EVL: variants seen among roughly 807,000 people sequenced by gnomAD.
EVL encodes the protein ena/VASP-like protein.
In EVL, 21 loss-of-function variants were observed where a neutral mutation model predicts 59.6. That is an observed-to-expected ratio of 0.35 (90% CI 0.25 to 0.51). The LOEUF (loss-of-function observed/expected upper bound fraction) is 0.51. Among genes scored for constraint, EVL ranks in the 20% least tolerant of loss-of-function variants. EVL has a pLI of 0.97. For missense variants in EVL, 462 were observed against 546.6 expected (o/e 0.85, Z 1.54); for synonymous variants, 198 against 203.5 (o/e 0.97, Z 0.23).
intron 2 of EVL, among the ~76,000 whole-genome samples, chr14:100,086,662 G>A (rs533851173): frequency 1.3e-5 from 2 of 152,332 alleles, no homozygotes; most frequent in African/African-American, 4.8e-5. Context: ...TGTTGAGAAA[G>A]AGACCTTTTC....
chr14:100,089,421 A>C (rs1161219076), intron 2 of EVL, among the ~76,000 whole-genome samples: 1 of 152,250 alleles, frequency 6.6e-6, no homozygotes, highest in East Asian at 1.9e-4. Flanking sequence ...GAACTCACAC[A>C]GAGTATGTTC....
intron 2 of EVL, among the ~76,000 whole-genome samples, chr14:100,087,166 A>T (rs781241751): frequency 7.2e-5 from 11 of 152,330 alleles, no homozygotes; most frequent in East Asian, 3.9e-4. Context: ...AAGAATTATC[A>T]TCACCATTTT....
chr14:100,093,211 A>G (rs865931736), intron 2 of EVL, among the ~76,000 whole-genome samples: 20 of 152,318 alleles, frequency 1.3e-4, no homozygotes, highest in African/African-American at 4.6e-4. Flanking sequence ...TTAGAAGTCA[A>G]TTTTCAAATA....
At chr14:100,010,105 A>T (rs1003610513) in intron 1 of EVL, among the ~76,000 whole-genome samples, 1 of 152,226 alleles carries the variant, frequency 6.6e-6, no homozygotes, top group Non-Finnish European at 1.5e-5. Context: ...AAGAAAAACA[A>T]AGGGAAAAGA....
intron 2 of EVL, among the ~76,000 whole-genome samples, chr14:100,094,212 T>C (rs1885645857): frequency 6.6e-6 from 1 of 152,182 alleles, no homozygotes. Flanking sequence ...TCATTCTCCC[T>C]GGACCTCATT....
chr14:100,060,622 T>C (rs2061810913), upstream of EVL, among the ~76,000 whole-genome samples: 1 of 152,052 alleles, frequency 6.6e-6, no homozygotes, highest in Non-Finnish European at 1.5e-5. Flanking sequence ...CTTGTGATAA[T>C]ATCAGGAGGT....
chr14:100,021,759 A>G (rs899072956), intron 1 of EVL, among the ~76,000 whole-genome samples: 1 of 152,294 alleles, frequency 6.6e-6, no homozygotes, highest in South Asian at 2.1e-4. Flanking sequence ...CTTAACAACC[A>G]TTGGCTTAGG....
In EVL at chr14:100,141,691, G is replaced by A. The variant is rs187257857; in HGVS notation, c.1162-45G>A. ...TGGCCCAGCCCAGGCCGGCTTTTCC[G>A]TCTCCACTGCCTGTCCCTTCACCTG... is the stretch of plus-strand genomic sequence containing the variant. On this transcript the variant is annotated intron_variant, in intron 12 of 13. Coordinates refer to ENST00000392920, the MANE Select transcript of EVL (RefSeq NM_016337.3). The A allele has an allele frequency of 8.8e-4, 1,410 of 1,600,386 alleles. 16 individuals carry two copies. The South Asian group carries it at 0.014, about 16-fold the overall frequency.
chr14:100,054,411 G>A (rs2061695158), intron 1 of EVL, among the ~76,000 whole-genome samples: 1 of 152,122 alleles, frequency 6.6e-6, no homozygotes, highest in Admixed American at 6.5e-5. Flanking sequence ...CCCTCCCAGG[G>A]TTAGCTAATT....
rs139969181 is a variant in EVL, at chr14:99,985,666, C to T, written c.5+13609C>T. Reference sequence around the variant, plus strand: ...CCTGTAATCCCAGCTACTTGGGAGGCTGAGGCAGAAGAATCGCTTGAACCC... The same window carrying T: ...CCTGTAATCCCAGCTACTTGGGAGGTTGAGGCAGAAGAATCGCTTGAACCC... On this transcript the variant is annotated intron_variant, in intron 1 of 13. Transcript: ENST00000402714. 5.2e-3 allele frequency among the ~76,000 whole-genome samples: 787 copies of T among 151,928 alleles called. 1 individual carries two copies. The highest frequency in any genetic ancestry group is 0.024 in the Middle Eastern group (7 of 294).
rs534599698 is a variant in EVL at position 100,050,437 on chromosome 14, C to T, written c.6-34250C>T. ...CGATCTCGGCTCACTGCCAACTCCA[C>T]CTCCTGGGTTCACGCCATTCTCCTG... On this transcript the variant is annotated intron_variant, in intron 1 of 13. Transcript: ENST00000402714. Among the ~76,000 whole-genome samples, 25 of 151,768 alleles carry T rather than the reference C, an allele frequency of 1.6e-4. No homozygotes were observed. In the South Asian group the frequency reaches 5.0e-3, roughly 30 times the overall value.
At chr14:100,100,661 C>G (rs527351283) in intron 3 of EVL, among the ~76,000 whole-genome samples, 1 of 151,898 alleles carries the variant, frequency 6.6e-6, no homozygotes, top group African/African-American at 2.4e-5. Flanking sequence ...TGTCTGTAGT[C>G]TCAACTACTT....
At chr14:100,015,836 C>CA (rs997200347) in intron 1 of EVL, among the ~76,000 whole-genome samples, 2 of 151,982 alleles carry the variant, frequency 1.3e-5, no homozygotes, top group African/African-American at 4.8e-5. Context: ...TTTGGGAGGC[C>CA]AAGGTGGGTA....
chr14:100,026,226 C>T (rs1455388428), intron 1 of EVL, among the ~76,000 whole-genome samples: 11 of 131,530 alleles, frequency 8.4e-5, no homozygotes, highest in Non-Finnish European at 1.5e-4. Context: ...ACTCCAGTGT[C>T]TCAGGAAAAA....
At chr14:100,035,737 A>G (rs1031724001) in intron 1 of EVL, among the ~76,000 whole-genome samples, 2 of 152,188 alleles carry the variant, frequency 1.3e-5, no homozygotes, top group African/African-American at 4.8e-5. Context: ...CTAGGATCAC[A>G]TTATTATTTC....
At chr14:100,142,711 G>A (rs888433058) in intron 13 of EVL, among the ~76,000 whole-genome samples, 2 of 152,212 alleles carry the variant, frequency 1.3e-5, no homozygotes, top group Non-Finnish European at 2.9e-5. Context: ...GTTCCTGTTT[G>A]TCCAGTTCCC....
At chr14:100,098,436 G>C (rs992170730) in intron 3 of EVL, among the ~76,000 whole-genome samples, 1 of 152,204 alleles carries the variant, frequency 6.6e-6, no homozygotes, top group Admixed American at 6.5e-5. Context: ...ATAGGAAAGA[G>C]ATTGGAAATG....
At chr14:100,035,454 G>C (rs968761990) in intron 1 of EVL, among the ~76,000 whole-genome samples, 1 of 148,032 alleles carries the variant, frequency 6.8e-6, no homozygotes, top group African/African-American at 2.5e-5. Flanking sequence ...TACTCTTACT[G>C]TTTCTATGAT....
intron 9 of EVL, among the ~76,000 whole-genome samples, chr14:100,136,438 TTCTC>T (rs1888791561): frequency 6.6e-6 from 1 of 152,236 alleles, no homozygotes; most frequent in South Asian, 2.1e-4. Flanking sequence ...TGGCTCAGGT[TTCTC>T]TCTGTCTAAG....
Sources: gnomAD v4.1 joint callset for allele counts (sites outside exome capture counted in the v4.1 genomes callset) on GRCh38, gnomAD v4.1.1 for gene constraint, MANE v1.5 for transcripts, NCBI Gene and HGNC (gene_info 2026-07-23, HGNC 2026-07-21) for gene names.